SLC10A7: variants seen among roughly 807,000 people sequenced by gnomAD.
The protein encoded by SLC10A7 is solute carrier family 10 member 7, also known as sodium/bile acid cotransporter 7.
A neutral mutation model predicts 43.2 loss-of-function variants in SLC10A7; 29 were observed. That is an observed-to-expected ratio of 0.67 (90% CI 0.50 to 0.92). The LOEUF is 0.92. Among genes scored for constraint, SLC10A7 ranks in the 40% least tolerant of loss-of-function variants. The pLI is 0.00. For missense variants in SLC10A7, 295 were observed against 403.2 expected (o/e 0.73, Z 2.30); for synonymous variants, 152 against 144.8 (o/e 1.05, Z -0.35).
At chr4:146,461,354 A>G (rs1427112609) in intron 4 of SLC10A7, among the ~76,000 whole-genome samples, 1 of 152,048 alleles carries the variant, frequency 6.6e-6, no homozygotes, top group Non-Finnish European at 1.5e-5. Context: ...ACACAACGCC[A>G]ACTTCATAAA....
intron 9 of SLC10A7, among the ~76,000 whole-genome samples, chr4:146,291,001 A>C (rs1167468184): frequency 6.6e-6 from 1 of 152,198 alleles, no homozygotes; most frequent in Admixed American, 6.5e-5. Context: ...CATAAATCTT[A>C]ATTTCAGTTC....
chr4:146,288,402 T>C (rs1730177728), intron 9 of SLC10A7, among the ~76,000 whole-genome samples: 1 of 152,226 alleles, frequency 6.6e-6, no homozygotes, highest in African/African-American at 2.4e-5. Context: ...GATAGTGTTA[T>C]TGCTCTGCTT....
chr4:146,401,245 A>T (rs917393302), intron 5 of SLC10A7, among the ~76,000 whole-genome samples: 1 of 152,150 alleles, frequency 6.6e-6, no homozygotes, highest in African/African-American at 2.4e-5. Context: ...CTGGCTGCTG[A>T]TCCCTTAGTA....
chr4:146,451,845 A>G (rs189756151), intron 4 of SLC10A7, among the ~76,000 whole-genome samples: 5 of 152,058 alleles, frequency 3.3e-5, no homozygotes, highest in Admixed American at 1.3e-4. Context: ...GGGCTTAGGG[A>G]GGGAGGTTAG....
intron 5 of SLC10A7, among the ~76,000 whole-genome samples, chr4:146,355,267 A>C (rs947521980): frequency 1.1e-4 from 16 of 152,334 alleles, no homozygotes; most frequent in Middle Eastern, 6.8e-3. Flanking sequence ...ACATTTATGC[A>C]GCCAAAAAAT....
intron 6 of SLC10A7, 145 bp downstream of exon 6, chr4:146,325,816 T>C: frequency 1.4e-6 from 1 of 729,824 alleles, no homozygotes; most frequent in Non-Finnish European, 2.3e-6. Flanking sequence ...ATCTGAATAT[T>C]ATTATGCGGT....
At chr4:146,257,903 T>C (rs1279148290) in intron 11 of SLC10A7, among the ~76,000 whole-genome samples, 1 of 152,212 alleles carries the variant, frequency 6.6e-6, no homozygotes, top group South Asian at 2.1e-4. Context: ...ATTTTCAGGA[T>C]ATTAAGAACA....
At chr4:146,343,958 A>AT (rs1327921087) in intron 5 of SLC10A7, among the ~76,000 whole-genome samples, 5 of 152,048 alleles carry the variant, frequency 3.3e-5, no homozygotes, top group Non-Finnish European at 5.9e-5. Flanking sequence ...AGCAAAACTC[A>AT]TTTTTAAATG....
At chr4:146,327,947 G>A (rs1578894420) in intron 5 of SLC10A7, among the ~76,000 whole-genome samples, 1 of 152,116 alleles carries the variant, frequency 6.6e-6, no homozygotes, top group Non-Finnish European at 1.5e-5. Flanking sequence ...TGCAGGCACC[G>A]TCTGCAGACC....
Position 146,448,567 on chromosome 4 carries a change from T to TA in SLC10A7, c.397-5747dup, listed in dbSNP as rs568734553. Among the ~76,000 whole-genome samples, 28 of 151,704 alleles carry TA rather than the reference T, an allele frequency of 1.8e-4. No individual in the cohort carries two copies. In the South Asian group the frequency reaches 4.2e-3, roughly 23 times the overall value. ...TTCCTTCCCTTATGAGGTTACTAAA[T>TA]AAAAAAAAGGTAAAATCCATTATTT... On this transcript the variant is annotated intron_variant, in intron 4 of 11. Transcript: ENST00000335472.
chr4:146,266,831 A>G (rs903889210), intron 10 of SLC10A7, among the ~76,000 whole-genome samples: 3 of 152,206 alleles, frequency 2.0e-5, no homozygotes, highest in Non-Finnish European at 4.4e-5. Context: ...TGGTTGGGCA[A>G]GTTATTATTT....
At chr4:146,429,374 A>T (rs1729605376) in intron 5 of SLC10A7, among the ~76,000 whole-genome samples, 1 of 152,202 alleles carries the variant, frequency 6.6e-6, no homozygotes, top group Non-Finnish European at 1.5e-5. Context: ...AATAGCATTC[A>T]TTGGGTGATT....
At chr4:146,327,619 G>T (rs557268986) in intron 5 of SLC10A7, among the ~76,000 whole-genome samples, 1 of 152,302 alleles carries the variant, frequency 6.6e-6, no homozygotes, top group South Asian at 2.1e-4. Flanking sequence ...TATATACTGG[G>T]TACTGGGCTC....
At chr4:146,357,187 T>C (rs17021409) in intron 5 of SLC10A7, among the ~76,000 whole-genome samples, 8,621 of 152,300 alleles carry the variant, frequency 0.057, 360 homozygotes, top group South Asian at 0.18. Flanking sequence ...ACATGTATAT[T>C]TCTGTATGTG....
intron 2 of SLC10A7, 57 bp downstream of exon 2, chr4:146,516,977 TTAAG>T (rs1738064012): frequency 9.2e-6 from 12 of 1,300,628 alleles, no homozygotes; most frequent in Non-Finnish European, 1.3e-5. Context: ...ACTCTTAAAT[TTAAG>T]TAAGTACAAA....
intron 5 of SLC10A7, among the ~76,000 whole-genome samples, chr4:146,355,589 C>A (rs1262898981): frequency 2.0e-5 from 3 of 151,718 alleles, no homozygotes; most frequent in South Asian, 2.1e-4. Flanking sequence ...CACATGCACA[C>A]GTATGTTTAT....
intron 1 of SLC10A7, among the ~76,000 whole-genome samples, chr4:146,520,881 C>T (rs1221078263): frequency 6.6e-6 from 1 of 152,052 alleles, no homozygotes; most frequent in Non-Finnish European, 1.5e-5. Flanking sequence ...CCCACCAGTG[C>T]CCATCATCTC....
At chr4:146,305,730 A>G (rs1488042935) in intron 7 of SLC10A7, among the ~76,000 whole-genome samples, 196 bp downstream of exon 7, 2 of 152,078 alleles carry the variant, frequency 1.3e-5, no homozygotes, top group African/African-American at 2.4e-5. Context: ...TATACAGCTA[A>G]CTGCAAAGCA....
At chr4:146,342,023 A>T (rs1481413524) in intron 5 of SLC10A7, among the ~76,000 whole-genome samples, 1 of 151,802 alleles carries the variant, frequency 6.6e-6, no homozygotes, top group Non-Finnish European at 1.5e-5. Flanking sequence ...CCTTACAGAA[A>T]AAAAACAGTA....
Sources: allele counts gnomAD v4.1 joint callset (sites outside exome capture counted in the v4.1 genomes callset), GRCh38; gene constraint gnomAD v4.1.1; transcripts MANE v1.5; gene names NCBI Gene and HGNC (gene_info 2026-07-23, HGNC 2026-07-21).